The following ZNF592 variants were observed in gnomAD, a reference collection of about 807,000 sequenced individuals.
The protein encoded by ZNF592 is zinc finger protein 592.
Under a neutral mutation model 80.3 loss-of-function variants are expected in ZNF592, and 11 were observed. The ratio of observed to expected loss-of-function variants is 0.14; its 90% CI spans 0.09 to 0.23. ZNF592 has a LOEUF of 0.23. Among genes scored for constraint, ZNF592 ranks in the 10% least tolerant of loss-of-function variants. The pLI, the probability that ZNF592 is intolerant of heterozygous loss-of-function variation, is 1.00. For synonymous variants in ZNF592, 646 were observed against 640.3 expected (o/e 1.01, Z -0.13); for missense variants, 1,420 against 1,633.9 (o/e 0.87, Z 2.26).
chr15:84,793,702 C>A (rs771757980), intron 5 of ZNF592, among the ~76,000 whole-genome samples: 1 of 152,196 alleles, frequency 6.6e-6, no homozygotes, highest in Non-Finnish European at 1.5e-5. Flanking sequence ...TTTCTTCCCC[C>A]CTAGCCCTAG....
chr15:84,778,529 C>T (rs1962329619), intron 3 of ZNF592, among the ~76,000 whole-genome samples: 2 of 151,996 alleles, frequency 1.3e-5, no homozygotes, highest in African/African-American at 2.4e-5. Context: ...GGCAAGAAGG[C>T]CGTGGGAATC....
intron 2 of ZNF592, among the ~76,000 whole-genome samples, chr15:84,775,678 C>A (rs1232983058): frequency 2.0e-5 from 3 of 152,340 alleles, no homozygotes; most frequent in African/African-American, 7.2e-5. Flanking sequence ...GATCTGCCCA[C>A]CTCGGCCTCC....
At chr15:84,785,566 C>T (rs1057279391) in intron 4 of ZNF592, among the ~76,000 whole-genome samples, 1 of 152,200 alleles carries the variant, frequency 6.6e-6, no homozygotes, top group African/African-American at 2.4e-5. Context: ...CCCACCTCAG[C>T]CTCCCAGAGT....
chr15:84,759,141 G>T (rs1899269628), intron 1 of ZNF592, among the ~76,000 whole-genome samples: 1 of 152,090 alleles, frequency 6.6e-6, no homozygotes, highest in Admixed American at 6.6e-5. Flanking sequence ...AAGCAACTGT[G>T]GACCCAATCC....
intron 2 of ZNF592, among the ~76,000 whole-genome samples, chr15:84,777,159 A>G (rs1699922727): frequency 6.6e-6 from 1 of 151,586 alleles, no homozygotes; most frequent in Non-Finnish European, 1.5e-5. Context: ...TATTAAAAAT[A>G]TAATCAAAAA....
intron 2 of ZNF592, among the ~76,000 whole-genome samples, chr15:84,767,930 G>A (rs1899576820): frequency 6.6e-6 from 1 of 151,386 alleles, no homozygotes; most frequent in African/African-American, 2.4e-5. Flanking sequence ...ACCCTGGAGT[G>A]CAATGGTGCA....
At chr15:84,771,166 G>C (rs17534709) in intron 2 of ZNF592, among the ~76,000 whole-genome samples, 28,802 of 152,064 alleles carry the variant, frequency 0.19, 3,485 homozygotes, top group Middle Eastern at 0.37. Context: ...ACACAGGAGA[G>C]GCTCACATAC....
intron 5 of ZNF592, among the ~76,000 whole-genome samples, chr15:84,793,079 A>AT (rs1567074726): frequency 2.5e-4 from 37 of 150,362 alleles, no homozygotes; most frequent in Admixed American, 2.6e-4. Context: ...CAAGAAAAAA[A>AT]ATTTTTTTTT....
intron 1 of ZNF592, among the ~76,000 whole-genome samples, chr15:84,764,026 C>G (rs1899426480): frequency 6.6e-6 from 1 of 152,212 alleles, no homozygotes; most frequent in South Asian, 2.1e-4. Context: ...CCCTCATTCT[C>G]ATCACCTGCT....
In ZNF592 at chr15:84,758,525, C is replaced by T. The variant is rs546054332; in HGVS notation, c.-258-6182C>T. Among the ~76,000 whole-genome samples, 35 of 152,194 alleles carry T rather than the reference C, an allele frequency of 2.3e-4. 1 individual carries two copies. The highest frequency in any genetic ancestry group is 7.5e-4 in the African/African-American group (31 of 41,504). On this transcript the variant is annotated intron_variant, in intron 1 of 10. Transcript: ENST00000560079. ...GTCTTGAACTCCTGAGCTAGGCAAT[C>T]GGCCCCTCTTGGCATCCCAAAATGC... is the stretch of plus-strand genomic sequence containing the variant.
At chr15:84,755,361 G>C (rs942987521) in intron 1 of ZNF592, among the ~76,000 whole-genome samples, 1 of 151,736 alleles carries the variant, frequency 6.6e-6, no homozygotes, top group Non-Finnish European at 1.5e-5. Context: ...CAAACTCCTG[G>C]GCTCAAGCAA....
At chr15:84,765,827 C>T (rs557204284) in intron 2 of ZNF592, among the ~76,000 whole-genome samples, 1 of 152,018 alleles carries the variant, frequency 6.6e-6, no homozygotes, top group South Asian at 2.1e-4. Flanking sequence ...TGAGCCACCG[C>T]ACCCAGACTT....
intron 4 of ZNF592, among the ~76,000 whole-genome samples, chr15:84,787,180 G>A (rs371360572): frequency 6.6e-6 from 1 of 152,076 alleles, no homozygotes; most frequent in East Asian, 1.9e-4. Flanking sequence ...ATTTGAGTAG[G>A]CAGAGGTCTG....
At chr15:84,773,298 G>A (rs999221749) in intron 2 of ZNF592, among the ~76,000 whole-genome samples, 1 of 147,980 alleles carries the variant, frequency 6.8e-6, no homozygotes, top group Non-Finnish European at 1.5e-5. Context: ...TGCAAGCTCC[G>A]CCTCCCGGGT....
At chr15:84,794,159 G>A (rs756350621) in intron 5 of ZNF592, among the ~76,000 whole-genome samples, 91 of 152,078 alleles carry the variant, frequency 6.0e-4, no homozygotes, top group Admixed American at 3.3e-4. Context: ...GTTGATGGGT[G>A]CAGCAAACCA....
chr15:84,797,500 T>G (rs1962950897), intron 5 of ZNF592, among the ~76,000 whole-genome samples: 1 of 152,226 alleles, frequency 6.6e-6, no homozygotes, highest in South Asian at 2.1e-4. Flanking sequence ...TGCCTCACAC[T>G]TAAATACTGT....
At chr15:84,764,010 T>C (rs893918984) in intron 1 of ZNF592, among the ~76,000 whole-genome samples, 6 of 152,202 alleles carry the variant, frequency 3.9e-5, no homozygotes, top group African/African-American at 1.4e-4. Flanking sequence ...ACTTTCCTCT[T>C]TTTGACCCTC....
At position 84,799,060 on chromosome 15, in the gene ZNF592, A is replaced by G. The variant is rs775418857; in HGVS notation, c.3025-38A>G. ...AAAAATGCACCCAGAACTATCTTAC[A>G]GTTCTGATGCTTTGTGTGTTGCCAC... On this transcript the variant is annotated intron_variant, in intron 8 of 10. Transcript: ENST00000560079. The surrounding 1 kb of genome is among the most constrained non-coding windows in gnomAD (Gnocchi z 4.2). The G allele has an allele frequency of 6.2e-7, 1 of 1,611,304 alleles. No homozygotes were observed. The highest frequency in any genetic ancestry group is 1.3e-5 in the African/African-American group (1 of 74,860).
chr15:84,766,681 A>C (rs1477644541), intron 2 of ZNF592, among the ~76,000 whole-genome samples: 3 of 139,644 alleles, frequency 2.1e-5, no homozygotes, highest in Non-Finnish European at 3.1e-5. Context: ...TGGAGGAAGG[A>C]ATAGAGGGAG....
Sources: allele counts gnomAD v4.1 joint callset (sites outside exome capture counted in the v4.1 genomes callset), GRCh38; gene constraint gnomAD v4.1.1; non-coding constraint Gnocchi (gnomAD v3.1); transcripts MANE v1.5; gene names NCBI Gene and HGNC (gene_info 2026-07-23, HGNC 2026-07-21).